LTBP2: variants seen among roughly 807,000 people sequenced by gnomAD.
The protein encoded by LTBP2 is latent-transforming growth factor beta-binding protein 2.
LTBP2 carries 103 observed loss-of-function variants against 210.6 expected under a neutral mutation model. That is an observed-to-expected ratio of 0.49 (90% CI 0.42 to 0.58). The LOEUF (loss-of-function observed/expected upper bound fraction) is 0.58, where lower values mean the gene tolerates loss of function less well. LTBP2 is among the 20% of genes least tolerant of loss of function. The probability of loss-of-function intolerance (pLI) is 0.00; values close to 1 mark genes in which losing one functional copy is unlikely to be tolerated. For missense variants in LTBP2, 2,313 were observed against 2,494.5 expected, an observed-to-expected ratio of 0.93 and a Z score of 1.55; for synonymous variants, 1,007 against 1,015.0, an observed-to-expected ratio of 0.99 and a Z score of 0.15.
chr14:74,611,180 T>C (rs2088600759), intron 1 of LTBP2, among the ~76,000 whole-genome samples: 1 of 151,844 alleles, frequency 6.6e-6, no homozygotes, highest in Admixed American at 6.6e-5. Context: ...CGCGGGCGAG[T>C]GGAGAGGCGC....
At chr14:74,530,664 C>T (rs1415860487) in intron 10 of LTBP2, among the ~76,000 whole-genome samples, 3 of 152,168 alleles carry the variant, frequency 2.0e-5, no homozygotes, top group African/African-American at 7.2e-5. Flanking sequence ...TACAGGTGTG[C>T]ACCACCACGC....
At chr14:74,564,153 A>G (rs1414099270) in intron 3 of LTBP2, among the ~76,000 whole-genome samples, 4 of 32,300 alleles carry the variant, frequency 1.2e-4, no homozygotes, top group Non-Finnish European at 1.5e-4. Context: ...ATATATATTT[A>G]TATATATATT....
intron 8 of LTBP2, among the ~76,000 whole-genome samples, chr14:74,540,621 G>A (rs1250190743): frequency 2.0e-5 from 3 of 148,964 alleles, no homozygotes; most frequent in African/African-American, 5.0e-5. Context: ...AAAAATTAGC[G>A]GGATGTGGTG....
chr14:74,569,580 A>C (rs556036958), intron 3 of LTBP2, among the ~76,000 whole-genome samples: 1 of 152,354 alleles, frequency 6.6e-6, no homozygotes, highest in East Asian at 1.9e-4. Context: ...GTCCAATGAC[A>C]GAAGCCAGCT....
intron 3 of LTBP2, among the ~76,000 whole-genome samples, chr14:74,576,849 G>A (rs2088064931): frequency 6.6e-6 from 1 of 152,122 alleles, no homozygotes; most frequent in African/African-American, 2.4e-5. Context: ...CAAGCCCAGT[G>A]TCAGGACAGC....
At chr14:74,551,022 T>A in intron 7 of LTBP2, 42 bp downstream of exon 7, 1 of 1,610,752 alleles carries the variant, frequency 6.2e-7, no homozygotes, top group Middle Eastern at 1.7e-4. Flanking sequence ...ACAACTGCCA[T>A]CCTGGAAGCA....
intron 7 of LTBP2, among the ~76,000 whole-genome samples, chr14:74,550,680 C>A (rs2087640565): frequency 6.6e-6 from 1 of 152,116 alleles, no homozygotes; most frequent in Admixed American, 6.5e-5. Flanking sequence ...CCTCTGTGAC[C>A]CCAACTGTAG....
At chr14:74,610,362 A>AGCCAAGGAAAACAGAGC (rs530043738) in intron 1 of LTBP2, among the ~76,000 whole-genome samples, 3 of 152,232 alleles carry the variant, frequency 2.0e-5, no homozygotes, top group African/African-American at 4.8e-5. Flanking sequence ...AGAGCGCTCC[A>AGCCAAGGAAAACAGAGC]GCCAAGGAAA....
intron 3 of LTBP2, among the ~76,000 whole-genome samples, chr14:74,564,345 T>TTATA (rs1483904765): frequency 0.3 from 1,605 of 5,278 alleles, 243 homozygotes; most frequent in Non-Finnish European, 0.38. Context: ...ATATATATAT[T>TTATA]TATATATATT....
Position 74,506,733 on chromosome 14 carries a change from C to T in LTBP2, c.3998G>A (p.Gly1333Asp), listed in dbSNP as rs377268804. 3.7e-6 allele frequency: 6 copies of T among 1,613,930 alleles called. No individual in the cohort carries two copies. Among genetic ancestry groups the T allele is most frequent in the South Asian group, 1.1e-5 (1 of 91,080 alleles). Residue 1333 changes from glycine to aspartate, a missense_variant, in exon 27 of 36, where the codon GGC (glycine) becomes GAC (aspartate). By Grantham distance (94) the Gly-to-Asp change is moderately conservative. Transcript: ENST00000261978. Reference sequence around the variant, plus strand: ...CCAGCCTGAGGGAGAGATCTCGAAGCCCTGGTCACAGAGGCAGCGGAAGGA... The same window carrying T: ...CCAGCCTGAGGGAGAGATCTCGAAGTCCTGGTCACAGAGGCAGCGGAAGGA... Reference protein sequence around the residue: ...DGSFRCLCDQGFEISPSGWDC... With the variant: ...DGSFRCLCDQDFEISPSGWDC...
At chr14:74,553,180 G>A (rs1423687511) in intron 4 of LTBP2, 118 bp from the exon 5 acceptor site, 23 of 995,990 alleles carry the variant, frequency 2.3e-5, no homozygotes, top group Non-Finnish European at 3.2e-5. Flanking sequence ...GGCATTTGCT[G>A]AGTACCTACT....
chr14:74,540,867 TTA>T (rs376638588), intron 8 of LTBP2, among the ~76,000 whole-genome samples: 7,123 of 67,410 alleles, frequency 0.11, 646 homozygotes, highest in Non-Finnish European at 0.16. Context: ...TTATATATAT[TTA>T]TATATATAAT....
intron 22 of LTBP2, 91 bp from the exon 23 acceptor site, chr14:74,509,043 T>C: frequency 6.3e-7 from 1 of 1,590,716 alleles, no homozygotes; most frequent in Non-Finnish European, 8.6e-7. Context: ...ACCTGTCACC[T>C]GCCTGCAGAG....
At chr14:74,510,044 C>T in intron 20 of LTBP2, 47 bp downstream of exon 20, 1 of 1,613,726 alleles carries the variant, frequency 6.2e-7, no homozygotes, top group South Asian at 1.1e-5. Context: ...GAGGGAGCCA[C>T]AAGCTGGATC....
intron 2 of LTBP2, among the ~76,000 whole-genome samples, chr14:74,598,352 C>T (rs1268074175): frequency 1.3e-5 from 2 of 152,220 alleles, no homozygotes; most frequent in East Asian, 3.8e-4. Context: ...TGCTCAGGCC[C>T]ACTCCAGCGT....
At chr14:74,525,404 A>C (rs893339441) in intron 14 of LTBP2, among the ~76,000 whole-genome samples, 179 bp from the exon 15 acceptor site, 1 of 152,206 alleles carries the variant, frequency 6.6e-6, no homozygotes, top group Non-Finnish European at 1.5e-5. Flanking sequence ...GAGAGCTCTA[A>C]CAGGCGTTGG....
chr14:74,512,518 G>T (rs1045801455), intron 18 of LTBP2, among the ~76,000 whole-genome samples: 5 of 152,204 alleles, frequency 3.3e-5, no homozygotes, highest in African/African-American at 1.2e-4. Context: ...GACATGGAGA[G>T]GAGAGGACAT....
At chr14:74,553,200 G>T (rs890949987) in intron 4 of LTBP2, 138 bp from the exon 5 acceptor site, 7 of 835,992 alleles carry the variant, frequency 8.4e-6, no homozygotes, top group South Asian at 7.6e-5. Flanking sequence ...TGGACGCAGG[G>T]TCCCATCGTA....
chr14:74,583,895 G>A (rs1321556104), intron 3 of LTBP2, among the ~76,000 whole-genome samples: 2 of 152,160 alleles, frequency 1.3e-5, no homozygotes, highest in Admixed American at 6.5e-5. Flanking sequence ...CTGCGCTAGG[G>A]AAAAATGGAG....
Sources: allele counts gnomAD v4.1 joint callset (sites outside exome capture counted in the v4.1 genomes callset), GRCh38; gene constraint gnomAD v4.1.1; transcripts MANE v1.5; gene names NCBI Gene and HGNC (gene_info 2026-07-23, HGNC 2026-07-21).